The following NDUFS1 variants were observed in gnomAD, a reference collection of about 807,000 sequenced individuals.
NDUFS1 encodes NADH-ubiquinone oxidoreductase 75 kDa subunit, mitochondrial.
A neutral mutation model predicts 84.4 loss-of-function variants in NDUFS1; 61 were observed. The ratio of observed to expected loss-of-function variants is 0.72; its 90% CI spans 0.59 to 0.89. The LOEUF is 0.89. Among genes scored for constraint, NDUFS1 ranks in the 40% least tolerant of loss-of-function variants. The pLI, the probability that NDUFS1 is intolerant of heterozygous loss-of-function variation, is 0.00. For missense variants in NDUFS1, 891 were observed against 890.0 expected, an observed-to-expected ratio of 1.00 and a Z score of -0.01; for synonymous variants, 275 against 290.0, an observed-to-expected ratio of 0.95 and a Z score of 0.53.
intron 1 of NDUFS1, among the ~76,000 whole-genome samples, chr2:206,158,737 C>A (rs1687778955): frequency 6.6e-6 from 1 of 152,250 alleles, no homozygotes. Flanking sequence ...AGTTCAAGCA[C>A]TGGATCCCAA....
chr2:206,134,554 C>T (rs2105955019), intron 13 of NDUFS1, among the ~76,000 whole-genome samples: 1 of 150,784 alleles, frequency 6.6e-6, no homozygotes, highest in Admixed American at 6.6e-5. Context: ...TGCACTCCAG[C>T]ATGGGTGACA....
At chr2:206,139,515 T>C (rs1303003331) in intron 12 of NDUFS1, among the ~76,000 whole-genome samples, 2 of 152,208 alleles carry the variant, frequency 1.3e-5, no homozygotes, top group Non-Finnish European at 2.9e-5. Context: ...AGAATTAATC[T>C]GTAATTTTTA....
At chr2:206,152,703 C>CTT (rs71034411) in intron 2 of NDUFS1, among the ~76,000 whole-genome samples, 193 bp from the exon 3 acceptor site, 119 of 121,232 alleles carry the variant, frequency 9.8e-4, no homozygotes, top group African/African-American at 3.4e-3. Context: ...CTTTCTTCTT[C>CTT]TTTTTTTTTT....
chr2:206,149,806 G>C lies in NDUFS1; in HGVS notation c.261+12C>G. 6.3e-7 allele frequency: 1 copy of C among 1,588,142 alleles called. No individual in the cohort carries two copies. ...TTCTACAGCATGGTGTAGAATTTTA[G>C]GTATCAAGTACCTTAGGGGCTTTCT... On this transcript the variant is annotated intron_variant, in intron 4 of 18. Coordinates refer to ENST00000233190, the MANE Select transcript of NDUFS1 (RefSeq NM_005006.7).
Position 206,130,069 on chromosome 2 carries a change from T to C in NDUFS1, c.1708+19A>G, listed in dbSNP as rs1171270909. The stretch of plus-strand genomic sequence containing the variant: ...ATGTACTACTCTCTTTTGTTTCTGG[T>C]GTCACAGGTGATACTTACCTTGATA... On this transcript the variant is annotated intron_variant, in intron 15 of 18. Coordinates refer to ENST00000233190, the MANE Select transcript of NDUFS1 (RefSeq NM_005006.7). 1 of 1,613,702 alleles carries C rather than the reference T, an allele frequency of 6.2e-7. No individual in the cohort carries two copies. The highest frequency in any genetic ancestry group is 1.3e-5 in the African/African-American group (1 of 75,056).
intron 1 of NDUFS1, 70 bp from the exon 2 acceptor site, chr2:206,153,752 A>G: frequency 1.2e-6 from 1 of 817,060 alleles, no homozygotes; most frequent in Non-Finnish European, 2.0e-6. Flanking sequence ...GTAATGTTTT[A>G]TGGCTTTAAA....
intron 13 of NDUFS1, among the ~76,000 whole-genome samples, chr2:206,137,533 A>C (rs1157823121): frequency 6.6e-6 from 1 of 152,124 alleles, no homozygotes; most frequent in Admixed American, 6.6e-5. Flanking sequence ...GGAGGAATAA[A>C]GTTTACATGC....
At chr2:206,135,705 G>A (rs1217182811) in intron 13 of NDUFS1, among the ~76,000 whole-genome samples, 1 of 151,736 alleles carries the variant, frequency 6.6e-6, no homozygotes, top group Non-Finnish European at 1.5e-5. Context: ...AAAAAGAAAA[G>A]GAAACGTTCT....
intron 5 of NDUFS1, 81 bp from the exon 6 acceptor site, chr2:206,147,915 T>C (rs1159795353): frequency 1.0e-5 from 13 of 1,300,506 alleles, no homozygotes; most frequent in African/African-American, 2.9e-5. Context: ...AAATGACCTA[T>C]AGACTTTATT....
In NDUFS1 at chr2:206,147,556, A is replaced by G; in HGVS notation, c.526T>C (p.Cys176Arg). 6.2e-7 allele frequency: 1 copy of G among 1,614,196 alleles called. No individual in the cohort carries two copies. The highest frequency in any genetic ancestry group is 8.5e-7 in the Non-Finnish European group (1 of 1,180,020). The part of the protein sequence containing the change: ...GPLVKTIMTR[C>R]IQCTRCIRFA... ...CTGATGCAGCGAGTACACTGTATAC[A>G]TCTTGTCATGATGGTCTTTACCAAT... The change falls in exon 7 of 19, where the codon TGT becomes CGT. Residue 176 changes from cysteine to arginine, a missense_variant. Transcript: ENST00000233190.
In NDUFS1 at chr2:206,118,225, A is replaced by C. The variant is rs1045044452; in HGVS notation, c.*5960T>G. The C allele has an allele frequency of 2.0e-5, 3 of 152,258 alleles. No individual in the cohort carries two copies. The highest frequency in any genetic ancestry group is 4.4e-5 in the Non-Finnish European group (3 of 68,052). 9.4% of individuals were successfully genotyped at this position (152,258 alleles called of 1,614,324 possible). Reference sequence around the variant, plus strand: ...TTGTTCTCTTAAAATCTGTGATCTGAAATCTAGTCAGTTTTCTCATTAACA... The same window carrying C: ...TTGTTCTCTTAAAATCTGTGATCTGCAATCTAGTCAGTTTTCTCATTAACA... On this transcript the variant is annotated 3_prime_UTR_variant, in exon 19 of 19. Coordinates refer to ENST00000233190, the MANE Select transcript of NDUFS1 (RefSeq NM_005006.7).
At chr2:206,143,878 A>T in intron 10 of NDUFS1, 140 bp downstream of exon 10, 1 of 702,352 alleles carries the variant, frequency 1.4e-6, no homozygotes, top group East Asian at 2.8e-5. Context: ...TCCTCAGTAG[A>T]TGTCTGTAAA....
At position 206,129,379 on chromosome 2, in the gene NDUFS1, C is replaced by G. The variant is rs530852840; in HGVS notation, c.1708+709G>C. Among the ~76,000 whole-genome samples the G allele has an allele frequency of 1.0e-3, 154 of 152,224 alleles. 1 individual carries two copies. The highest frequency in any genetic ancestry group is 3.5e-3 in the African/African-American group (145 of 41,532). On this transcript the variant is annotated intron_variant, in intron 15 of 18. Coordinates refer to ENST00000233190, the MANE Select transcript of NDUFS1 (RefSeq NM_005006.7). Reference sequence around the variant, plus strand: ...CTGAACTCAAGTGATCCTCCCACCTCAGCCTCCTAAGTAGCTGGGATCACA... The same window carrying G: ...CTGAACTCAAGTGATCCTCCCACCTGAGCCTCCTAAGTAGCTGGGATCACA...
intron 5 of NDUFS1, 143 bp from the exon 6 acceptor site, chr2:206,147,977 G>A (rs1343290711): frequency 3.9e-6 from 3 of 773,450 alleles, no homozygotes; most frequent in Non-Finnish European, 6.6e-6. Context: ...CAGTGCAGTG[G>A]CACAATCTTG....
intron 8 of NDUFS1, 55 bp downstream of exon 8, chr2:206,146,848 T>C (rs920850097): frequency 6.0e-6 from 9 of 1,512,480 alleles, no homozygotes; most frequent in African/African-American, 1.4e-5. Context: ...TAATATTTTT[T>C]TGAATAGTAA....
chr2:206,138,328 G>A (rs1691801292), intron 13 of NDUFS1, among the ~76,000 whole-genome samples, 157 bp downstream of exon 13: 1 of 152,202 alleles, frequency 6.6e-6, no homozygotes, highest in South Asian at 2.1e-4. Flanking sequence ...TGATCCACCT[G>A]CCTCGGACTC....
At chr2:206,142,258 G>A (rs995451027) in intron 11 of NDUFS1, among the ~76,000 whole-genome samples, 189 bp from the exon 12 acceptor site, 1 of 151,928 alleles carries the variant, frequency 6.6e-6, no homozygotes, top group Non-Finnish European at 1.5e-5. Context: ...TGTCTCCCAC[G>A]CTGGAATGCA....
At chr2:206,125,552 T>C (rs902689593) in intron 18 of NDUFS1, among the ~76,000 whole-genome samples, 2 of 151,152 alleles carry the variant, frequency 1.3e-5, no homozygotes, top group Non-Finnish European at 2.9e-5. Context: ...ATAATATATA[T>C]GTGTATAATG....
Position 206,123,923 on chromosome 2 carries a change from C to A in NDUFS1, c.*262G>T. ...CCAACAACTCATAATTTAAGGATCT[C>A]TTTATGTTCGTCACAAAGGTTATCA... On this transcript the variant is annotated 3_prime_UTR_variant, in exon 19 of 19. Transcript: ENST00000233190. The A allele has an allele frequency of 2.7e-6, 1 of 369,944 alleles. No homozygotes were observed. Among genetic ancestry groups the A allele is most frequent in the Admixed American group, 4.3e-5 (1 of 23,446 alleles). 22.9% of individuals were successfully genotyped at this position (369,944 alleles called of 1,614,324 possible).
Sources: gnomAD v4.1 joint callset for allele counts (sites outside exome capture counted in the v4.1 genomes callset) on GRCh38, gnomAD v4.1.1 for gene constraint, MANE v1.5 for transcripts, NCBI Gene and HGNC (gene_info 2026-07-23, HGNC 2026-07-21) for gene names.